ZPLD1: variants seen among roughly 807,000 people sequenced by gnomAD.
ZPLD1 encodes zona pellucida like domain containing 1.
ZPLD1 carries 34 observed loss-of-function variants against 47.2 expected under a neutral mutation model. The ratio of observed to expected loss-of-function variants is 0.72; its 90% CI spans 0.55 to 0.96. ZPLD1 has a LOEUF of 0.96. Ranked by LOEUF, ZPLD1 falls within the 40% of genes least tolerant of loss-of-function variation. The probability of loss-of-function intolerance (pLI) is 0.00; values close to 1 mark genes in which losing one functional copy is unlikely to be tolerated. For missense variants in ZPLD1, 512 were observed against 505.8 expected, an observed-to-expected ratio of 1.01 and a Z score of -0.12; for synonymous variants, 176 against 186.2, an observed-to-expected ratio of 0.95 and a Z score of 0.45.
intron 8 of ZPLD1, among the ~76,000 whole-genome samples, chr3:102,465,737 GA>G (rs111412997): frequency 1.0e-3 from 152 of 151,952 alleles, no homozygotes; most frequent in African/African-American, 3.4e-3. Flanking sequence ...CATAACTAAA[GA>G]AAAAAAATTT....
intron 8 of ZPLD1, among the ~76,000 whole-genome samples, chr3:102,426,298 G>T (rs1239500231): frequency 6.6e-6 from 1 of 151,882 alleles, no homozygotes; most frequent in Non-Finnish European, 1.5e-5. Context: ...CAGGTAGTTC[G>T]CCTGAGGTCA....
At chr3:102,477,163 C>A in intron 11 of ZPLD1, 122 bp downstream of exon 11, 1 of 1,103,994 alleles carries the variant, frequency 9.1e-7, no homozygotes, top group Non-Finnish European at 1.4e-6. Context: ...GATAACAGTT[C>A]ACTGAGGGTT....
chr3:102,462,326 C>A lies in ZPLD1; in HGVS notation c.628C>A (p.Pro210Thr), dbSNP rs372677453. Residue 210 changes from proline (P) to threonine (T), a missense_variant, in exon 7 of 12, where the codon CCT becomes ACT. Coordinates refer to ENST00000466937, the MANE Select transcript of ZPLD1 (RefSeq NM_001329788.2). ...QQLIIPSIGLPLKTKVFAAVQ... is the reference protein window; with the variant it reads ...QQLIIPSIGLTLKTKVFAAVQ... ...GTTAATTATCCCCAGTATAGGATTA[C>A]CTTTGAAAACCAAAGTATTTGCAGC... 1 of 1,611,628 alleles carries A rather than the reference C, an allele frequency of 6.2e-7. No individual in the cohort carries two copies. The highest frequency in any genetic ancestry group is 1.3e-5 in the African/African-American group (1 of 74,776).
intron 3 of ZPLD1, among the ~76,000 whole-genome samples, chr3:102,443,293 C>CT (rs1405065216): frequency 2.0e-5 from 3 of 152,118 alleles, no homozygotes; most frequent in Non-Finnish European, 4.4e-5. Context: ...AGGAAACAAG[C>CT]AATAAGTTCC....
chr3:102,407,082 T>G (rs1479589558), intron 7 of ZPLD1, among the ~76,000 whole-genome samples: 1 of 151,736 alleles, frequency 6.6e-6, no homozygotes, highest in Non-Finnish European at 1.5e-5. Context: ...TCCTCAAATT[T>G]AAGTTTTTCT....
intron 7 of ZPLD1, among the ~76,000 whole-genome samples, chr3:102,463,883 C>CAAAAAAAA (rs1211126564): frequency 3.6e-5 from 4 of 110,210 alleles, no homozygotes; most frequent in East Asian, 3.3e-4. Context: ...ATTAAAAATA[C>CAAAAAAAA]AAAAAAAAAA....
At chr3:102,416,341 T>C (rs1706804527) in intron 7 of ZPLD1, among the ~76,000 whole-genome samples, 2 of 152,112 alleles carry the variant, frequency 1.3e-5, no homozygotes, top group South Asian at 4.1e-4. Context: ...ATTTATGAAA[T>C]GCTCATTTTC....
At chr3:102,468,525 G>A (rs966780269) in intron 8 of ZPLD1, among the ~76,000 whole-genome samples, 6 of 152,104 alleles carry the variant, frequency 3.9e-5, no homozygotes, top group African/African-American at 1.2e-4. Flanking sequence ...AAAAGGCGAG[G>A]TACCACATAG....
Position 102,438,561 on chromosome 3 carries a change from A to G in ZPLD1, c.74A>G (p.Asn25Ser). The change falls in exon 3 of 12, where the codon AAC (asparagine) becomes AGC (serine). Residue 25 changes from asparagine to serine, a missense_variant. Asn to Ser is a conservative substitution (Grantham distance 46). Coordinates refer to ENST00000466937, the MANE Select transcript of ZPLD1 (RefSeq NM_001329788.2). ...LPGSAQFNGY[N>S]CDANLHSRFP... is the part of the protein sequence containing the mutation. ...GGGTCTGCTCAGTTCAACGGCTACA[A>G]CTGTGATGCCAACCTCCACAGTAGA... 1 of 1,613,910 alleles carries G rather than the reference A, an allele frequency of 6.2e-7. No homozygotes were observed. Among genetic ancestry groups the G allele is most frequent in the Non-Finnish European group, 8.5e-7 (1 of 1,179,806 alleles).
At chr3:102,451,649 G>A (rs1217395062) in intron 3 of ZPLD1, among the ~76,000 whole-genome samples, 1 of 152,122 alleles carries the variant, frequency 6.6e-6, no homozygotes, top group Non-Finnish European at 1.5e-5. Flanking sequence ...TCAAAATCCA[G>A]GCAGGGCCAT....
At chr3:102,458,712 T>C (rs1707457810) in intron 6 of ZPLD1, among the ~76,000 whole-genome samples, 1 of 152,218 alleles carries the variant, frequency 6.6e-6, no homozygotes, top group Admixed American at 6.5e-5. Context: ...GTTTGTAGTC[T>C]GACACCACAG....
chr3:102,434,170 T>C (rs1353413483), upstream of ZPLD1, among the ~76,000 whole-genome samples: 1 of 152,192 alleles, frequency 6.6e-6, no homozygotes, highest in Non-Finnish European at 1.5e-5. Flanking sequence ...TAAATCTATG[T>C]AATTAGTTGA....
upstream of ZPLD1, among the ~76,000 whole-genome samples, chr3:102,430,433 C>A (rs1707003158): frequency 6.6e-6 from 1 of 152,170 alleles, no homozygotes; most frequent in Non-Finnish European, 1.5e-5. Context: ...AATTTAATAA[C>A]TCCCTCTGTC....
intron 8 of ZPLD1, among the ~76,000 whole-genome samples, chr3:102,424,575 CA>C (rs1378094815): frequency 6.6e-6 from 1 of 152,160 alleles, no homozygotes. Flanking sequence ...CGAACCCAAT[CA>C]AAACTTGTCT....
At chr3:102,450,424 A>G (rs971166521) in intron 3 of ZPLD1, among the ~76,000 whole-genome samples, 2 of 152,100 alleles carry the variant, frequency 1.3e-5, no homozygotes, top group Non-Finnish European at 2.9e-5. Flanking sequence ...GGAGGTAACT[A>G]CTTTTCTGGT....
chr3:102,398,395 A>G (rs1411873784), intron 7 of ZPLD1, among the ~76,000 whole-genome samples: 1 of 152,024 alleles, frequency 6.6e-6, no homozygotes, highest in Non-Finnish European at 1.5e-5. Flanking sequence ...TCTACCCCTG[A>G]TTTGTTGTTT....
At position 102,464,167 on chromosome 3, in the gene ZPLD1, T is replaced by C; in HGVS notation, c.681-4T>C. On this transcript the variant is annotated splice_polypyrimidine_tract_variant and splice_region_variant and intron_variant, in intron 7 of 11. Transcript: ENST00000466937. ...CTAGATTATGTTTGCTTACATTCTT[T>C]CAGATGGAATGTTTTAATGGATTAT... 6.2e-7 allele frequency: 1 copy of C among 1,605,914 alleles called. No individual in the cohort carries two copies. Among genetic ancestry groups the C allele is most frequent in the African/African-American group, 1.3e-5 (1 of 74,856 alleles).
intron 3 of ZPLD1, among the ~76,000 whole-genome samples, chr3:102,441,988 G>T (rs1559752625): frequency 6.6e-6 from 1 of 152,130 alleles, no homozygotes; most frequent in African/African-American, 2.4e-5. Context: ...AGGGACATAA[G>T]GCTACCATCT....
At chr3:102,458,828 G>C (rs150259048) in intron 6 of ZPLD1, among the ~76,000 whole-genome samples, 1,607 of 152,172 alleles carry the variant, frequency 0.011, 29 homozygotes, top group African/African-American at 0.037. Context: ...TGTGGCTCAC[G>C]CCTGTAATCC....
Sources: allele counts gnomAD v4.1 joint callset (sites outside exome capture counted in the v4.1 genomes callset), GRCh38; gene constraint gnomAD v4.1.1; transcripts MANE v1.5; gene names NCBI Gene and HGNC (gene_info 2026-07-23, HGNC 2026-07-21).